The following PTPRG variants were observed in gnomAD, a reference collection of about 807,000 sequenced individuals.
PTPRG encodes the protein protein tyrosine phosphatase receptor type G, also known as receptor-type tyrosine-protein phosphatase gamma.
In PTPRG, 102 loss-of-function variants were observed where a neutral mutation model predicts 165.3. That is an observed-to-expected ratio of 0.62 (90% confidence interval 0.53 to 0.73). PTPRG has a LOEUF of 0.73. PTPRG is among the 30% of genes least tolerant of loss of function. The probability of loss-of-function intolerance (pLI) is 0.00; values close to 1 mark genes in which losing one functional copy is unlikely to be tolerated. For missense variants in PTPRG, 1,866 were observed against 1,861.4 expected, an observed-to-expected ratio of 1.00 and a Z score of -0.05; for synonymous variants, 675 against 669.5, an observed-to-expected ratio of 1.01 and a Z score of -0.13.
chr3:61,749,122 T>A, intron 2 of PTPRG, 140 bp downstream of exon 2: 1 of 777,288 alleles, frequency 1.3e-6, no homozygotes, highest in Non-Finnish European at 2.2e-6. Flanking sequence ...GTTGAAATAT[T>A]CGAGCCTGTT....
At chr3:61,681,264 A>G (rs1008318797) in intron 1 of PTPRG, among the ~76,000 whole-genome samples, 1 of 152,206 alleles carries the variant, frequency 6.6e-6, no homozygotes, top group African/African-American at 2.4e-5. Flanking sequence ...GCAGTTAATA[A>G]TGCCACAGAA....
chr3:61,604,348 C>A (rs1559520474), intron 1 of PTPRG, among the ~76,000 whole-genome samples: 1 of 152,006 alleles, frequency 6.6e-6, no homozygotes, highest in Non-Finnish European at 1.5e-5. Context: ...AAAAATAGAA[C>A]TTTAACATAT....
intron 2 of PTPRG, among the ~76,000 whole-genome samples, chr3:61,775,042 G>T (rs558563047): frequency 1.3e-5 from 2 of 152,026 alleles, no homozygotes; most frequent in Non-Finnish European, 2.9e-5. Context: ...CGTATGTGAT[G>T]GTGTGTGACA....
At chr3:62,180,515 G>C (rs1308971294) in intron 8 of PTPRG, among the ~76,000 whole-genome samples, 1 of 152,186 alleles carries the variant, frequency 6.6e-6, no homozygotes, top group Non-Finnish European at 1.5e-5. Context: ...CACGAGGGAA[G>C]GATGCTGTGC....
At chr3:61,951,139 A>AT (rs2039890648) in intron 2 of PTPRG, among the ~76,000 whole-genome samples, 2 of 152,188 alleles carry the variant, frequency 1.3e-5, no homozygotes, top group Non-Finnish European at 2.9e-5. Flanking sequence ...GCCTATACAG[A>AT]TTTTAGGAGT....
chr3:62,018,629 A>C (rs184572969), intron 4 of PTPRG, among the ~76,000 whole-genome samples: 1 of 152,240 alleles, frequency 6.6e-6, no homozygotes, highest in Non-Finnish European at 1.5e-5. Context: ...AAATGTAAGC[A>C]CTTGAACTAC....
At chr3:61,734,987 G>A (rs2032663745) in intron 1 of PTPRG, among the ~76,000 whole-genome samples, 1 of 152,094 alleles carries the variant, frequency 6.6e-6, no homozygotes. Flanking sequence ...AGCCAGAGGA[G>A]GTTTTTGAAA....
chr3:61,989,947 G>T, intron 3 of PTPRG, 143 bp downstream of exon 3: 2 of 823,708 alleles, frequency 2.4e-6, no homozygotes, highest in Non-Finnish European at 3.7e-6. Flanking sequence ...TTCAGAACAA[G>T]TTATGTAACT....
At chr3:62,055,970 T>C (rs1271886079) in intron 4 of PTPRG, among the ~76,000 whole-genome samples, 1 of 152,222 alleles carries the variant, frequency 6.6e-6, no homozygotes, top group Non-Finnish European at 1.5e-5. Flanking sequence ...TGGGAAGATA[T>C]AATTCAAACC....
chr3:61,767,280 A>AT (rs139522785), intron 2 of PTPRG, among the ~76,000 whole-genome samples: 10,498 of 145,248 alleles, frequency 0.072, 841 homozygotes, highest in East Asian at 0.44. Context: ...ATCAAACTCC[A>AT]TTTTTTTAAC....
chr3:61,585,950 G>A (rs1336051379), intron 1 of PTPRG, among the ~76,000 whole-genome samples: 1 of 152,148 alleles, frequency 6.6e-6, no homozygotes, highest in East Asian at 1.9e-4. Context: ...GCCTACCTTG[G>A]GGAACCGTCT....
At chr3:61,714,071 G>A (rs986798646) in intron 1 of PTPRG, among the ~76,000 whole-genome samples, 5 of 152,138 alleles carry the variant, frequency 3.3e-5, no homozygotes, top group Non-Finnish European at 7.3e-5. Flanking sequence ...TTTCTAATAT[G>A]TCTTTTCTGG....
At chr3:61,922,672 A>T (rs2039107582) in intron 2 of PTPRG, among the ~76,000 whole-genome samples, 1 of 152,028 alleles carries the variant, frequency 6.6e-6, no homozygotes. Flanking sequence ...GCAGGCTCTT[A>T]CTCTGTGGCC....
At chr3:62,141,483 C>T (rs1180229442) in intron 6 of PTPRG, among the ~76,000 whole-genome samples, 1 of 152,042 alleles carries the variant, frequency 6.6e-6, no homozygotes, top group Non-Finnish European at 1.5e-5. Flanking sequence ...CCTGTAGTCC[C>T]AGCTATTTTG....
In PTPRG at chr3:61,566,758, C is replaced by T. The variant is rs144335806; in HGVS notation, c.85+4386C>T. ...CTGACCTCAGGTGCTCTGCCCACCT[C>T]GGCCTCCCAGAGTGCTGGGATTACA... On this transcript the variant is annotated intron_variant, in intron 1 of 29. Transcript: ENST00000474889. 2.6e-5 allele frequency among the ~76,000 whole-genome samples: 4 copies of T among 152,272 alleles called. No individual in the cohort carries two copies. In the South Asian group the frequency reaches 6.2e-4, roughly 24 times the overall value.
chr3:62,195,070 C>T lies in PTPRG; in HGVS notation c.1227C>T (p.Thr409=). 6.2e-7 allele frequency: 1 copy of T among 1,614,114 alleles called. No individual in the cohort carries two copies. Among genetic ancestry groups the T allele is most frequent in the Admixed American group, 1.7e-5 (1 of 60,026 alleles). ...TCCTTCTTTACTTACAGAAAGCCAC[C>T]ATTAGCCATGTCTCACCCGATAGCC... is the stretch of plus-strand genomic sequence containing the variant. ...TKDSDKDLKA[T]ISHVSPDSLY... Residue 409 remains threonine (T), a synonymous_variant, in exon 10 of 30, where the codon ACC becomes ACT. Coordinates refer to ENST00000474889, the MANE Select transcript of PTPRG (RefSeq NM_002841.4). The surrounding 1 kb of genome is among the most constrained non-coding windows in gnomAD (Gnocchi z 4.4).
chr3:61,717,830 A>G (rs556461929), intron 1 of PTPRG, among the ~76,000 whole-genome samples: 7 of 152,076 alleles, frequency 4.6e-5, no homozygotes, highest in Non-Finnish European at 7.4e-5. Flanking sequence ...TTTGTGTTTT[A>G]TTGTAGGTAT....
rs566161619 is a variant in PTPRG at position 62,012,853 on chromosome 3, G to C, written c.519+9356G>C. ...GAACCTGTAGTAAAATATACAGAGA[G>C]ATACGAAGGGAATAGAAATTAGTCA... is the stretch of plus-strand genomic sequence containing the variant. On this transcript the variant is annotated intron_variant, in intron 4 of 29. Coordinates refer to ENST00000474889, the MANE Select transcript of PTPRG (RefSeq NM_002841.4). 2.6e-5 allele frequency among the ~76,000 whole-genome samples: 4 copies of C among 152,286 alleles called. No individual in the cohort carries two copies. The South Asian group carries it at 8.3e-4, about 32-fold the overall frequency.
At chr3:61,983,745 T>C (rs1243603628) in intron 2 of PTPRG, among the ~76,000 whole-genome samples, 3 of 152,172 alleles carry the variant, frequency 2.0e-5, no homozygotes, top group Non-Finnish European at 4.4e-5. Context: ...AGGTCAGTTA[T>C]TAACAGAGAA....
Sources: gnomAD v4.1 joint callset for allele counts (sites outside exome capture counted in the v4.1 genomes callset) on GRCh38, gnomAD v4.1.1 for gene constraint, Gnocchi (gnomAD v3.1) non-coding constraint, MANE v1.5 for transcripts, NCBI Gene and HGNC (gene_info 2026-07-23, HGNC 2026-07-21) for gene names.